SYBU: variants seen among roughly 807,000 people sequenced by gnomAD.
The protein encoded by SYBU is syntabulin, also known as GOLSYN A protein.
A neutral mutation model predicts 35.9 loss-of-function variants in SYBU; 21 were observed. The ratio of observed to expected loss-of-function variants is 0.58; its 90% confidence interval spans 0.41 to 0.84. SYBU has a LOEUF of 0.84. Ranked by LOEUF, SYBU falls within the 40% of genes least tolerant of loss-of-function variation. The pLI, the probability that SYBU is intolerant of heterozygous loss-of-function variation, is 0.00. For missense variants in SYBU, 768 were observed against 848.2 expected (o/e 0.91, Z 1.17); for synonymous variants, 319 against 324.3 (o/e 0.98, Z 0.18).
At position 109,629,790 on chromosome 8, in the gene SYBU, A is replaced by T. The variant is rs71526739; in HGVS notation, c.230-10751T>A. Reference sequence around the variant, plus strand: ...TGTAAAAGTGTTCCTATTTCTCCACATCCTCTCCAGCACCTGTGGTTTCCT... The same window carrying T: ...TGTAAAAGTGTTCCTATTTCTCCACTTCCTCTCCAGCACCTGTGGTTTCCT... On this transcript the variant is annotated intron_variant, in intron 2 of 6. Coordinates refer to ENST00000276646, the MANE Select transcript of SYBU (RefSeq NM_001099754.2). Among the ~76,000 whole-genome samples, 494 of 151,984 alleles carry T rather than the reference A, an allele frequency of 3.3e-3. 3 individuals carry two copies. The highest frequency in any genetic ancestry group is 0.011 in the African/African-American group (440 of 41,470).
At chr8:109,604,920 G>T (rs1284468012) in intron 3 of SYBU, among the ~76,000 whole-genome samples, 1 of 152,192 alleles carries the variant, frequency 6.6e-6, no homozygotes, top group African/African-American at 2.4e-5. Flanking sequence ...GGCTCACAGA[G>T]CCTGCCTATC....
chr8:109,605,089 G>A (rs908124635), intron 3 of SYBU, among the ~76,000 whole-genome samples: 1 of 152,118 alleles, frequency 6.6e-6, no homozygotes, highest in Non-Finnish European at 1.5e-5. Context: ...CGTCAGCTGA[G>A]ACCTCAGAAA....
chr8:109,613,535 C>T (rs914127479), intron 3 of SYBU, among the ~76,000 whole-genome samples: 11 of 151,620 alleles, frequency 7.3e-5, no homozygotes, highest in African/African-American at 2.4e-4. Context: ...AGTTCTCCTC[C>T]CCCCCACCCA....
intron 3 of SYBU, among the ~76,000 whole-genome samples, chr8:109,618,305 A>C (rs190198874): frequency 6.6e-6 from 1 of 152,336 alleles, no homozygotes; most frequent in Non-Finnish European, 1.5e-5. Flanking sequence ...TTCATCTTAT[A>C]GCTTCTAATA....
chr8:109,608,897 C>G (rs1810872301), intron 3 of SYBU, among the ~76,000 whole-genome samples: 1 of 152,136 alleles, frequency 6.6e-6, no homozygotes, highest in African/African-American at 2.4e-5. Flanking sequence ...CATGTTTACC[C>G]CTCAGTGTTG....
chr8:109,662,315 C>T (rs1216012347), intron 1 of SYBU, among the ~76,000 whole-genome samples: 1 of 152,208 alleles, frequency 6.6e-6, no homozygotes, highest in Non-Finnish European at 1.5e-5. Context: ...AAACACTGCA[C>T]AGAGCAAATG....
chr8:109,651,024 C>A (rs1462071380), intron 1 of SYBU, among the ~76,000 whole-genome samples: 1 of 152,188 alleles, frequency 6.6e-6, no homozygotes, highest in East Asian at 1.9e-4. Context: ...AGTGAAGTTA[C>A]TACTCCCTTC....
At chr8:109,622,357 G>A (rs186457011) in intron 2 of SYBU, among the ~76,000 whole-genome samples, 2 of 151,890 alleles carry the variant, frequency 1.3e-5, no homozygotes, top group African/African-American at 2.4e-5. Context: ...TCAGCCTCCT[G>A]AGTAGCTGGG....
intron 3 of SYBU, among the ~76,000 whole-genome samples, chr8:109,616,566 A>G (rs1206604938): frequency 1.3e-5 from 2 of 152,014 alleles, no homozygotes; most frequent in Non-Finnish European, 2.9e-5. Flanking sequence ...CTACTGTTTC[A>G]CTGTTTCCTT....
At chr8:109,667,915 T>C (rs988951675) in intron 1 of SYBU, among the ~76,000 whole-genome samples, 1 of 152,156 alleles carries the variant, frequency 6.6e-6, no homozygotes, top group Non-Finnish European at 1.5e-5. Context: ...CTTATTAGCT[T>C]ATTTTAAAAT....
intron 3 of SYBU, among the ~76,000 whole-genome samples, chr8:109,602,430 T>C (rs944839937): frequency 2.5e-5 from 2 of 80,374 alleles, no homozygotes; most frequent in Non-Finnish European, 4.5e-5. Flanking sequence ...CTCTGTGTAA[T>C]TTTTTTTTTT....
chr8:109,579,708 A>T, intron 5 of SYBU, 91 bp downstream of exon 5: 1 of 1,207,582 alleles, frequency 8.3e-7, no homozygotes, highest in South Asian at 1.3e-5. Context: ...GCAAGGGATC[A>T]AGAGTTGTAT....
intron 4 of SYBU, among the ~76,000 whole-genome samples, chr8:109,583,007 A>G (rs532959786): frequency 6.6e-6 from 1 of 152,228 alleles, no homozygotes; most frequent in African/African-American, 2.4e-5. Context: ...TCTGTTGTTT[A>G]GGCCATCCAG....
chr8:109,664,156 A>G (rs1051332043), intron 1 of SYBU, among the ~76,000 whole-genome samples: 1 of 152,138 alleles, frequency 6.6e-6, no homozygotes, highest in Non-Finnish European at 1.5e-5. Flanking sequence ...ATTGAGAGGG[A>G]AAAAAGGTCA....
intron 1 of SYBU, among the ~76,000 whole-genome samples, chr8:109,650,057 G>A (rs957689649): frequency 2.6e-5 from 4 of 152,158 alleles, no homozygotes; most frequent in African/African-American, 9.7e-5. Flanking sequence ...AAACCAGAAA[G>A]TGTGGGAAAA....
chr8:109,593,808 G>A (rs963844954), intron 3 of SYBU, among the ~76,000 whole-genome samples: 1 of 152,172 alleles, frequency 6.6e-6, no homozygotes, highest in South Asian at 2.1e-4. Flanking sequence ...CCACTCCAGT[G>A]GCAGGCATGT....
chr8:109,675,567 A>T (rs1217142193), intron 1 of SYBU, among the ~76,000 whole-genome samples: 1 of 152,086 alleles, frequency 6.6e-6, no homozygotes, highest in East Asian at 1.9e-4. Context: ...GGACACATAC[A>T]CCCTCCCAAG....
upstream of SYBU, among the ~76,000 whole-genome samples, chr8:109,683,785 G>T (rs1322534984): frequency 1.3e-5 from 2 of 152,158 alleles, no homozygotes; most frequent in African/African-American, 4.8e-5. Context: ...TACCTGGTGG[G>T]AGGTAATTGA....
Position 109,574,957 on chromosome 8 carries a change from G to C in SYBU, c.1941C>G (p.Cys647Trp). The C allele has an allele frequency of 6.6e-7, 1 of 1,519,900 alleles. No homozygotes were observed. The allele number at this position is 1,519,900 out of a possible 1,614,324, so 94.2% of individuals were successfully genotyped here. The change falls in exon 7 of 7, where the codon TGC becomes TGG. Residue 647 changes from cysteine (C) to tryptophan (W), a missense_variant. Transcript: ENST00000276646. ...YNIGALLRGC[C>W]VVALHSLRRT... is the part of the protein sequence containing the mutation. ...GGCGGAGCGAATGCAGGGCAACCACGCAACAGCCCCTGAGCAAGGCCCCGA... is the reference window on the plus strand; with the variant it reads ...GGCGGAGCGAATGCAGGGCAACCACCCAACAGCCCCTGAGCAAGGCCCCGA...
Sources: gnomAD v4.1 joint callset for allele counts (sites outside exome capture counted in the v4.1 genomes callset) on GRCh38, gnomAD v4.1.1 for gene constraint, MANE v1.5 for transcripts, NCBI Gene and HGNC (gene_info 2026-07-23, HGNC 2026-07-21) for gene names.